LHFPL6: variants seen among roughly 807,000 people sequenced by gnomAD.
LHFPL6 encodes LHFPL tetraspan subfamily member 6.
LHFPL6 carries 9 observed loss-of-function variants against 20.6 expected under a neutral mutation model. The ratio of observed to expected loss-of-function variants is 0.44; its 90% CI spans 0.26 to 0.76. The LOEUF (loss-of-function observed/expected upper bound fraction) is 0.76, where lower values mean the gene tolerates loss of function less well. LHFPL6 is among the 30% of genes least tolerant of loss of function. The pLI is 0.20. For synonymous variants in LHFPL6, 105 were observed against 98.7 expected (o/e 1.06, Z -0.38); for missense variants, 218 against 253.5 (o/e 0.86, Z 0.95).
intron 3 of LHFPL6, among the ~76,000 whole-genome samples, chr13:39,346,533 A>G (rs1013899599): frequency 1.3e-5 from 2 of 152,182 alleles, no homozygotes; most frequent in East Asian, 3.9e-4. Flanking sequence ...GGAAAGTTTA[A>G]TAAGCTGCTC....
chr13:39,602,346 G>T (rs1204276188), intron 1 of LHFPL6, among the ~76,000 whole-genome samples: 1 of 151,248 alleles, frequency 6.6e-6, no homozygotes. Flanking sequence ...TCTTCACCTC[G>T]CCCCTACCCG....
At chr13:39,359,696 G>A (rs1413659937) in intron 3 of LHFPL6, among the ~76,000 whole-genome samples, 3 of 151,964 alleles carry the variant, frequency 2.0e-5, no homozygotes, top group African/African-American at 4.8e-5. Flanking sequence ...CTTCGGTGAC[G>A]GATTCAATCA....
intron 2 of LHFPL6, among the ~76,000 whole-genome samples, chr13:39,426,101 T>C (rs1172145056): frequency 6.6e-6 from 1 of 152,234 alleles, no homozygotes; most frequent in African/African-American, 2.4e-5. Context: ...ATTACCACTA[T>C]TTCCAAAACT....
At chr13:39,379,476 C>A (rs1870382379) in intron 2 of LHFPL6, among the ~76,000 whole-genome samples, 1 of 152,080 alleles carries the variant, frequency 6.6e-6, no homozygotes, top group South Asian at 2.1e-4. Flanking sequence ...ATGACAGAGC[C>A]CCCTAAATAG....
chr13:39,356,472 TAGAAAAAACTAACACCAAAGCAAACATA>T (rs1869730875), intron 3 of LHFPL6, among the ~76,000 whole-genome samples: 1 of 152,082 alleles, frequency 6.6e-6, no homozygotes, highest in South Asian at 2.1e-4. Context: ...AAAGAAAAAC[TAGAAAAAACTAACACCAAAGCAAACATA>T]AGAAAACAAA....
chr13:39,419,376 G>A (rs1871425611), intron 2 of LHFPL6, among the ~76,000 whole-genome samples: 1 of 152,072 alleles, frequency 6.6e-6, no homozygotes, highest in Non-Finnish European at 1.5e-5. Flanking sequence ...ACCTATCATT[G>A]AACAAAGAAA....
intron 3 of LHFPL6, 104 bp downstream of exon 3, chr13:39,378,324 C>T: frequency 2.5e-6 from 2 of 787,654 alleles, no homozygotes; most frequent in Non-Finnish European, 4.3e-6. Context: ...GCTGTAATAC[C>T]CAGGGAGGTT....
chr13:39,462,904 C>T (rs1479568599), intron 2 of LHFPL6, among the ~76,000 whole-genome samples: 2 of 152,122 alleles, frequency 1.3e-5, no homozygotes, highest in East Asian at 3.9e-4. Context: ...TGGTTAACTT[C>T]AAGGAAAAGG....
chr13:39,480,653 C>T (rs1189789157), intron 2 of LHFPL6, among the ~76,000 whole-genome samples: 1 of 152,120 alleles, frequency 6.6e-6, no homozygotes, highest in African/African-American at 2.4e-5. Flanking sequence ...TCTAAGAGGC[C>T]ACCCTTTTTT....
Position 39,557,420 on chromosome 13 carries a change from G to A in LHFPL6, c.385+43412C>T, listed in dbSNP as rs930457644. On this transcript the variant is annotated intron_variant, in intron 2 of 3. Transcript: ENST00000379589. The stretch of plus-strand genomic sequence containing the variant: ...AGAGGATGTATGGGAAAGCCTGAGC[G>A]TCCAGACAGAGCCTGCTGCACAGCC... 7.9e-5 allele frequency among the ~76,000 whole-genome samples: 12 copies of A among 152,336 alleles called. No individual in the cohort carries two copies. The South Asian group carries it at 8.3e-4, about 11-fold the overall frequency.
At chr13:39,478,663 T>A (rs1428118881) in intron 2 of LHFPL6, among the ~76,000 whole-genome samples, 1 of 152,150 alleles carries the variant, frequency 6.6e-6, no homozygotes, top group Admixed American at 6.5e-5. Flanking sequence ...TGGATGGGCA[T>A]CATCCAATCC....
chr13:39,398,838 C>T (rs1298827804), intron 2 of LHFPL6, among the ~76,000 whole-genome samples: 2 of 152,192 alleles, frequency 1.3e-5, no homozygotes, highest in East Asian at 3.8e-4. Flanking sequence ...AAAGGATCTA[C>T]GTTGTGCACT....
At chr13:39,451,420 A>C (rs1356335076) in intron 2 of LHFPL6, among the ~76,000 whole-genome samples, 1 of 152,222 alleles carries the variant, frequency 6.6e-6, no homozygotes, top group Non-Finnish European at 1.5e-5. Flanking sequence ...TCAGAAGATC[A>C]GGGTTTATAA....
chr13:39,386,598 T>C (rs915083630), intron 2 of LHFPL6, among the ~76,000 whole-genome samples: 5 of 152,212 alleles, frequency 3.3e-5, no homozygotes, highest in Non-Finnish European at 4.4e-5. Flanking sequence ...CCACCCATAA[T>C]CTGAGTTCAA....
At chr13:39,590,901 G>A (rs554365091) in intron 2 of LHFPL6, among the ~76,000 whole-genome samples, 5 of 152,270 alleles carry the variant, frequency 3.3e-5, no homozygotes, top group African/African-American at 1.2e-4. Context: ...TACTGACCAT[G>A]GCCTCAGGGG....
chr13:39,579,782 G>T (rs762810565), intron 2 of LHFPL6, among the ~76,000 whole-genome samples: 2 of 152,150 alleles, frequency 1.3e-5, no homozygotes, highest in Admixed American at 1.3e-4. Context: ...ATTTTGTGAA[G>T]ATAGAATAAC....
At chr13:39,401,475 A>T (rs1042912559) in intron 2 of LHFPL6, among the ~76,000 whole-genome samples, 1 of 152,214 alleles carries the variant, frequency 6.6e-6, no homozygotes, top group African/African-American at 2.4e-5. Context: ...TAAGGTGTGG[A>T]GAGGGAGGCA....
At chr13:39,497,650 A>G (rs1869144489) in intron 2 of LHFPL6, among the ~76,000 whole-genome samples, 1 of 152,236 alleles carries the variant, frequency 6.6e-6, no homozygotes, top group Non-Finnish European at 1.5e-5. Context: ...TAATATGTGT[A>G]CAGGAGTCAA....
At chr13:39,545,486 T>C (rs34864255) in intron 2 of LHFPL6, among the ~76,000 whole-genome samples, 8,393 of 152,126 alleles carry the variant, frequency 0.055, 366 homozygotes, top group Non-Finnish European at 0.081. Flanking sequence ...ACCCACTTAC[T>C]AGCTCTGGGA....
Sources: allele counts gnomAD v4.1 joint callset (sites outside exome capture counted in the v4.1 genomes callset), GRCh38; gene constraint gnomAD v4.1.1; transcripts MANE v1.5; gene names NCBI Gene and HGNC (gene_info 2026-07-23, HGNC 2026-07-21).